Variants in PKIB observed in about 807,000 individuals in gnomAD.
PKIB encodes PKI-beta.
In PKIB, 2 loss-of-function variants were observed where a neutral mutation model predicts 4.5. That is an observed-to-expected ratio of 0.44 (90% CI 0.18 to 1.39). PKIB has a LOEUF of 1.39. PKIB is among the 40% of genes most tolerant of loss of function. PKIB has a pLI of 0.27. For missense variants in PKIB, 94 were observed against 92.6 expected, an observed-to-expected ratio of 1.02 and a Z score of -0.06; for synonymous variants, 38 against 36.0, an observed-to-expected ratio of 1.06 and a Z score of -0.20.
intron 2 of PKIB, among the ~76,000 whole-genome samples, chr6:122,511,948 G>A (rs1453206941): frequency 6.6e-6 from 1 of 152,108 alleles, no homozygotes; most frequent in East Asian, 1.9e-4. Context: ...TTACAGATAA[G>A]AGAGCGGATC....
chr6:122,492,983 T>C (rs893626770), intron 2 of PKIB, among the ~76,000 whole-genome samples: 1 of 152,210 alleles, frequency 6.6e-6, no homozygotes, highest in African/African-American at 2.4e-5. Context: ...TGTGTCCCAG[T>C]AGATAATTAA....
chr6:122,622,089 G>T (rs955901032), intron 1 of PKIB, among the ~76,000 whole-genome samples: 2 of 152,126 alleles, frequency 1.3e-5, no homozygotes, highest in Admixed American at 6.5e-5. Flanking sequence ...TTTAACTGTG[G>T]ATAATTGAAG....
intron 2 of PKIB, among the ~76,000 whole-genome samples, chr6:122,574,993 A>G (rs564828284): frequency 2.6e-5 from 4 of 152,328 alleles, no homozygotes; most frequent in Middle Eastern, 3.4e-3. Flanking sequence ...TTTGCAAACT[A>G]TGCATCTGAC....
intron 2 of PKIB, among the ~76,000 whole-genome samples, chr6:122,566,652 G>GCCTT (rs60964400): frequency 1.0e-3 from 149 of 147,892 alleles, no homozygotes; most frequent in Admixed American, 1.6e-3. Flanking sequence ...CTTCCTTCCT[G>GCCTT]CCTTCCTTCC....
At chr6:122,521,421 C>T (rs1776943115) in intron 2 of PKIB, among the ~76,000 whole-genome samples, 1 of 152,128 alleles carries the variant, frequency 6.6e-6, no homozygotes, top group Admixed American at 6.5e-5. Flanking sequence ...TGGCTCACAC[C>T]TGTAATCTTA....
At chr6:122,473,167 C>G (rs563193753) in intron 1 of PKIB, among the ~76,000 whole-genome samples, 24 of 152,218 alleles carry the variant, frequency 1.6e-4, no homozygotes, top group Admixed American at 3.9e-4. Flanking sequence ...TTTAATTATG[C>G]TAAACTTAAT....
At chr6:122,572,093 G>A (rs1419196526) in intron 2 of PKIB, among the ~76,000 whole-genome samples, 3 of 152,092 alleles carry the variant, frequency 2.0e-5, no homozygotes, top group African/African-American at 4.8e-5. Flanking sequence ...TGGTAAAGGG[G>A]TGGAAGAAGG....
chr6:122,540,649 T>C (rs994836269), intron 2 of PKIB, among the ~76,000 whole-genome samples: 1 of 152,078 alleles, frequency 6.6e-6, no homozygotes, highest in African/African-American at 2.4e-5. Flanking sequence ...GAAAAAAATG[T>C]ATATTCTGTT....
At chr6:122,574,158 C>A (rs377370096) in intron 2 of PKIB, among the ~76,000 whole-genome samples, 2 of 152,194 alleles carry the variant, frequency 1.3e-5, no homozygotes, top group South Asian at 4.1e-4. Context: ...AGAACTCAAT[C>A]CCTTTTGCAA....
intron 2 of PKIB, among the ~76,000 whole-genome samples, chr6:122,500,592 AC>A (rs1776201997): frequency 6.6e-6 from 1 of 152,120 alleles, no homozygotes; most frequent in Non-Finnish European, 1.5e-5. Flanking sequence ...TTAAGAACTT[AC>A]CCCTACTCAC....
At chr6:122,520,670 C>CA (rs1482418321) in intron 2 of PKIB, among the ~76,000 whole-genome samples, 17 of 125,746 alleles carry the variant, frequency 1.4e-4, no homozygotes, top group Admixed American at 9.6e-4. Flanking sequence ...TTCCCACCCC[C>CA]CCCCCACCAA....
intron 2 of PKIB, among the ~76,000 whole-genome samples, chr6:122,673,070 T>TA (rs1409179841): frequency 8.5e-5 from 13 of 152,120 alleles, no homozygotes; most frequent in Non-Finnish European, 1.6e-4. Context: ...TATTTGTTTG[T>TA]AAAATAAACT....
At chr6:122,696,816 G>A (rs574170104) in intron 3 of PKIB, among the ~76,000 whole-genome samples, 1 of 152,334 alleles carries the variant, frequency 6.6e-6, no homozygotes, top group South Asian at 2.1e-4. Context: ...AGCTCAGTGA[G>A]GGTCAGCGTG....
At chr6:122,523,757 T>C (rs909307605) in intron 2 of PKIB, among the ~76,000 whole-genome samples, 1 of 151,208 alleles carries the variant, frequency 6.6e-6, no homozygotes, top group African/African-American at 2.4e-5. Flanking sequence ...CACTCCAGCA[T>C]GGGCAACACA....
chr6:122,653,846 T>G (rs1776667725), intron 2 of PKIB, among the ~76,000 whole-genome samples: 1 of 152,026 alleles, frequency 6.6e-6, no homozygotes, highest in African/African-American at 2.4e-5. Context: ...TAGTCCCAAC[T>G]ACTCGGAAGG....
chr6:122,637,211 T>C (rs1218417234), intron 2 of PKIB, among the ~76,000 whole-genome samples: 2 of 152,150 alleles, frequency 1.3e-5, no homozygotes, highest in Non-Finnish European at 2.9e-5. Flanking sequence ...CTTCTATACA[T>C]ATAAAACAGA....
chr6:122,656,834 GC>G (rs1418338901), intron 2 of PKIB, among the ~76,000 whole-genome samples: 1 of 152,166 alleles, frequency 6.6e-6, no homozygotes, highest in Non-Finnish European at 1.5e-5. Context: ...AGCTATATTT[GC>G]CACGTACATC....
intron 2 of PKIB, among the ~76,000 whole-genome samples, chr6:122,542,268 A>T (rs1777629081): frequency 6.6e-6 from 1 of 151,924 alleles, no homozygotes; most frequent in African/African-American, 2.4e-5. Flanking sequence ...TCTGCTTTTT[A>T]GAGTTTCCAG....
At chr6:122,524,886 C>G (rs1777053951) in intron 2 of PKIB, among the ~76,000 whole-genome samples, 1 of 151,060 alleles carries the variant, frequency 6.6e-6, no homozygotes, top group African/African-American at 2.4e-5. Flanking sequence ...AAGAGGCTTT[C>G]CATTTTTTTG....
Sources: gnomAD v4.1 joint callset for allele counts (sites outside exome capture counted in the v4.1 genomes callset) on GRCh38, gnomAD v4.1.1 for gene constraint, MANE v1.5 for transcripts, NCBI Gene and HGNC (gene_info 2026-07-23, HGNC 2026-07-21) for gene names.